Variants in CEP57 observed in about 807,000 individuals in gnomAD.
The protein encoded by CEP57 is centrosomal protein of 57 kDa.
A neutral mutation model predicts 68.0 loss-of-function variants in CEP57; 40 were observed. The observed-to-expected ratio is 0.59, with a 90% CI of 0.46 to 0.77. The LOEUF is 0.77. CEP57 is among the 30% of genes least tolerant of loss of function. The pLI, the probability that CEP57 is intolerant of heterozygous loss-of-function variation, is 0.00. For synonymous variants in CEP57, 219 were observed against 198.7 expected (o/e 1.10, Z -0.86); for missense variants, 606 against 580.7 (o/e 1.04, Z -0.45).
rs993520814 is a variant in CEP57, at chr11:95,799,308, C to T, written c.122C>T (p.Ser41Leu). Reference protein sequence around the residue: ...HSSSPYVVYPSDKPFLNSDLR... With the variant: ...HSSSPYVVYPLDKPFLNSDLR... ...TCATCTCCATATGTAGTATATCCTT[C>T]GGATAAGCCTTTCCTTAATAGTGAT... The change falls in exon 2 of 11, where the codon TCG becomes TTG. Residue 41 changes from serine (S) to leucine (L), a missense_variant. Physicochemically the swap from Ser to Leu is moderately radical, Grantham distance 145 (BLOSUM62 -2). Coordinates refer to ENST00000325542, the MANE Select transcript of CEP57 (RefSeq NM_014679.5). The T allele has an allele frequency of 3.3e-5, 54 of 1,613,908 alleles. No individual in the cohort carries two copies. Among genetic ancestry groups the T allele is most frequent in the Middle Eastern group, 1.6e-4 (1 of 6,082 alleles).
intron 2 of CEP57, among the ~76,000 whole-genome samples, chr11:95,807,572 G>A (rs1861861948): frequency 6.6e-6 from 1 of 152,170 alleles, no homozygotes; most frequent in Admixed American, 6.5e-5. Context: ...CATGACGCAT[G>A]CACAAGACTC....
chr11:95,822,306 T>C (rs1034215277), intron 7 of CEP57, 193 bp from the exon 8 acceptor site: 36 of 598,996 alleles, frequency 6.0e-5, no homozygotes, highest in Admixed American at 4.4e-4. Context: ...AGTGCTTTTT[T>C]CCCCCCAGCC....
At chr11:95,795,045 G>A (rs568668) in intron 1 of CEP57, among the ~76,000 whole-genome samples, 41,884 of 151,996 alleles carry the variant, frequency 0.28, 6,992 homozygotes, top group Non-Finnish European at 0.38. Flanking sequence ...ACTTGGAGGT[G>A]GGGGGGTCAT....
At chr11:95,798,334 C>T (rs995451624) in intron 1 of CEP57, among the ~76,000 whole-genome samples, 1 of 152,112 alleles carries the variant, frequency 6.6e-6, no homozygotes, top group Non-Finnish European at 1.5e-5. Flanking sequence ...GCAGGTATTT[C>T]GATAGCCTTT....
Position 95,822,203 on chromosome 11 carries a change from A to G in CEP57, c.807+225A>G, listed in dbSNP as rs540668844. 2.9e-4 allele frequency: 172 copies of G among 586,840 alleles called. 1 individual carries two copies. The highest frequency in any genetic ancestry group is 4.9e-4 in the Non-Finnish European group (161 of 328,546). 36.4% of individuals were successfully genotyped at this position (586,840 alleles called of 1,614,324 possible). ...GAACTACAGAACACCATACAAAATT[A>G]GCATTATTAGTACTGCATTATCTTG... On this transcript the variant is annotated intron_variant, in intron 7 of 10. Transcript: ENST00000325542.
intron 2 of CEP57, among the ~76,000 whole-genome samples, chr11:95,808,124 G>A (rs959784298): frequency 7.2e-5 from 11 of 151,868 alleles, no homozygotes; most frequent in Admixed American, 2.0e-4. Flanking sequence ...ACTAAGCTTT[G>A]TAAGTGAAGG....
chr11:95,797,585 C>T (rs767190371), intron 1 of CEP57, among the ~76,000 whole-genome samples: 15 of 152,238 alleles, frequency 9.9e-5, no homozygotes, highest in Non-Finnish European at 1.9e-4. Flanking sequence ...ATCAGCCTAA[C>T]AAGGATACCC....
chr11:95,800,581 G>A (rs1370777750), intron 2 of CEP57, among the ~76,000 whole-genome samples: 11 of 151,942 alleles, frequency 7.2e-5, no homozygotes, highest in Admixed American at 6.6e-4. Flanking sequence ...TAGTAGGGAC[G>A]AGGTTTCACC....
intron 1 of CEP57, among the ~76,000 whole-genome samples, chr11:95,797,022 G>C (rs557575835): frequency 5.9e-5 from 9 of 152,194 alleles, no homozygotes; most frequent in African/African-American, 1.9e-4. Flanking sequence ...CATTATTCAA[G>C]AGTTTTCATT....
chr11:95,824,073 T>TAAAA (rs71040119), intron 8 of CEP57, among the ~76,000 whole-genome samples: 1 of 112,664 alleles, frequency 8.9e-6, no homozygotes, highest in African/African-American at 3.4e-5. Context: ...AGGCCTATTG[T>TAAAA]AAAAAAAAAA....
intron 1 of CEP57, among the ~76,000 whole-genome samples, chr11:95,792,380 A>G (rs1163692809): frequency 6.6e-6 from 1 of 152,206 alleles, no homozygotes; most frequent in East Asian, 1.9e-4. Flanking sequence ...CTGTAATACC[A>G]GCTACTAGTG....
intron 1 of CEP57, among the ~76,000 whole-genome samples, chr11:95,798,790 C>T (rs1246687609): frequency 3.9e-5 from 6 of 152,086 alleles, no homozygotes; most frequent in Non-Finnish European, 5.9e-5. Flanking sequence ...AGGACAGTGC[C>T]TTATTTTCTT....
intron 9 of CEP57, among the ~76,000 whole-genome samples, chr11:95,828,248 AT>A (rs1862840873): frequency 6.6e-6 from 1 of 152,170 alleles, no homozygotes; most frequent in Admixed American, 6.5e-5. Context: ...CAAGGTTTAT[AT>A]TTAAGTTTTA....
intron 1 of CEP57, among the ~76,000 whole-genome samples, chr11:95,797,402 A>G (rs912832535): frequency 6.6e-6 from 1 of 152,026 alleles, no homozygotes; most frequent in Admixed American, 6.5e-5. Context: ...TCCTGACCTC[A>G]AGTGATCCGC....
At chr11:95,808,882 C>A (rs1019175374) in intron 2 of CEP57, among the ~76,000 whole-genome samples, 1 of 152,130 alleles carries the variant, frequency 6.6e-6, no homozygotes, top group Non-Finnish European at 1.5e-5. Context: ...ACTCTCCACC[C>A]CAAATCAATA....
chr11:95,831,252 A>T lies in CEP57; in HGVS notation c.1499A>T (p.Tyr500Phe). Residue 500 changes from tyrosine to phenylalanine, a missense_variant, in exon 11 of 11, where the codon TAC (tyrosine) becomes TTC (phenylalanine). Transcript: ENST00000325542. ...SLQSSSLCWD[Y>F] ...CAAAGCAGTAGTTTGTGTTGGGATT[A>T]CTGACTCATAACCAGGTCAGAAATT... 1 of 1,606,882 alleles carries T rather than the reference A, an allele frequency of 6.2e-7. No individual in the cohort carries two copies. Among genetic ancestry groups the T allele is most frequent in the Non-Finnish European group, 8.5e-7 (1 of 1,173,666 alleles).
chr11:95,816,178 A>G (rs1862290522), intron 4 of CEP57, among the ~76,000 whole-genome samples: 1 of 152,172 alleles, frequency 6.6e-6, no homozygotes, highest in South Asian at 2.1e-4. Context: ...GGGGAAGCAT[A>G]CATATTCTTC....
intron 1 of CEP57, among the ~76,000 whole-genome samples, chr11:95,794,639 G>A (rs954870316): frequency 6.6e-6 from 1 of 152,050 alleles, no homozygotes; most frequent in Admixed American, 6.5e-5. Context: ...TGTTAAGACT[G>A]TTCCAGAGAC....
chr11:95,827,925 A>G lies in CEP57; in HGVS notation c.1025A>G (p.Lys342Arg). ...LAKQVSSRGG[K>R]SKKLSVTPPS... is the part of the protein sequence containing the mutation. Reference sequence around the variant, plus strand: ...AAGCAAGTATCTTCACGAGGTGGTAAAAGTAAGAAGTTGTCAGTAACACCT... The same window carrying G: ...AAGCAAGTATCTTCACGAGGTGGTAGAAGTAAGAAGTTGTCAGTAACACCT... Residue 342 changes from lysine (K) to arginine (R), a missense_variant, in exon 9 of 11, where the codon AAA becomes AGA. By Grantham distance (26) the Lys-to-Arg change is conservative. Transcript: ENST00000325542. The G allele has an allele frequency of 1.2e-6, 2 of 1,614,142 alleles. No homozygotes were observed. Among genetic ancestry groups the G allele is most frequent in the Non-Finnish European group, 1.7e-6 (2 of 1,180,014 alleles).
Sources: allele counts gnomAD v4.1 joint callset (sites outside exome capture counted in the v4.1 genomes callset), GRCh38; gene constraint gnomAD v4.1.1; transcripts MANE v1.5; gene names NCBI Gene and HGNC (gene_info 2026-07-23, HGNC 2026-07-21).